Variants in TNNI3K observed in about 807,000 individuals in gnomAD.
TNNI3K encodes TNNI3 interacting kinase.
In TNNI3K, 140 loss-of-function variants were observed where a neutral mutation model predicts 114.5. The ratio of observed to expected loss-of-function variants is 1.22; its 90% confidence interval spans 1.07 to 1.41. TNNI3K has a LOEUF of 1.41. TNNI3K is among the 40% of genes most tolerant of loss of function. TNNI3K has a pLI of 0.00. For synonymous variants in TNNI3K, 347 were observed against 347.5 expected (o/e 1.00, Z 0.02); for missense variants, 1,125 against 1,007.6 (o/e 1.12, Z -1.58).
At chr1:74,355,590 G>A (rs990695231) in intron 11 of TNNI3K, among the ~76,000 whole-genome samples, 3 of 151,598 alleles carry the variant, frequency 2.0e-5, no homozygotes, top group South Asian at 4.1e-4. Context: ...GCAACAGGGC[G>A]ATACTCCGTC....
chr1:74,329,852 C>T (rs1435710445), intron 5 of TNNI3K, among the ~76,000 whole-genome samples: 1 of 152,020 alleles, frequency 6.6e-6, no homozygotes, highest in East Asian at 1.9e-4. Flanking sequence ...CTATGATTCA[C>T]ACAATTGACA....
intron 5 of TNNI3K, among the ~76,000 whole-genome samples, chr1:74,277,031 T>C (rs1251194736): frequency 1.3e-5 from 2 of 152,194 alleles, no homozygotes; most frequent in African/African-American, 2.4e-5. Flanking sequence ...CCTAAGATCC[T>C]GTCAGCAATC....
intron 11 of TNNI3K, among the ~76,000 whole-genome samples, chr1:74,367,023 G>A (rs1345195805): frequency 6.6e-6 from 1 of 151,886 alleles, no homozygotes; most frequent in Non-Finnish European, 1.5e-5. Flanking sequence ...TTTGTTCACT[G>A]CATCACCAGT....
chr1:74,436,339 A>G (rs1009127221), intron 18 of TNNI3K, 135 bp from the exon 19 acceptor site: 1 of 1,224,914 alleles, frequency 8.2e-7, no homozygotes, highest in Non-Finnish European at 1.1e-6. Context: ...CTTCTTTCTT[A>G]TCTCCAGCCA....
At chr1:74,419,506 C>T (rs190929262) in intron 17 of TNNI3K, among the ~76,000 whole-genome samples, 62 of 152,038 alleles carry the variant, frequency 4.1e-4, no homozygotes, top group African/African-American at 1.3e-3. Context: ...AGCCAATCAC[C>T]GATTTGTGCT....
intron 17 of TNNI3K, among the ~76,000 whole-genome samples, chr1:74,379,543 C>T (rs1663091453): frequency 6.6e-6 from 1 of 152,076 alleles, no homozygotes; most frequent in Admixed American, 6.6e-5. Context: ...CTGACATGCT[C>T]AGTTTCCATA....
intron 23 of TNNI3K, among the ~76,000 whole-genome samples, chr1:74,498,243 A>C (rs550662869): frequency 1.3e-5 from 2 of 152,264 alleles, no homozygotes; most frequent in Admixed American, 6.5e-5. Flanking sequence ...AGTTTTTTTA[A>C]CCTTGACATC....
At chr1:74,370,138 A>T in intron 16 of TNNI3K, 150 bp from the exon 17 acceptor site, 1 of 538,872 alleles carries the variant, frequency 1.9e-6, no homozygotes. Context: ...GATGTAGGAA[A>T]GCTATTCAGA....
At chr1:74,238,085 G>C (rs1045691743) in intron 2 of TNNI3K, among the ~76,000 whole-genome samples, 1 of 151,948 alleles carries the variant, frequency 6.6e-6, no homozygotes, top group Non-Finnish European at 1.5e-5. Flanking sequence ...AATCATTGTA[G>C]ATAAAAAGCA....
At chr1:74,382,172 T>C (rs1663235945) in intron 17 of TNNI3K, among the ~76,000 whole-genome samples, 1 of 152,216 alleles carries the variant, frequency 6.6e-6, no homozygotes, top group African/African-American at 2.4e-5. Flanking sequence ...TCACACCTTT[T>C]TGATTCCCAA....
intron 17 of TNNI3K, among the ~76,000 whole-genome samples, chr1:74,424,621 A>C (rs1665544320): frequency 6.6e-6 from 1 of 150,610 alleles, no homozygotes; most frequent in African/African-American, 2.4e-5. Context: ...TGAGAGGCTG[A>C]GGCAAGAGAA....
chr1:74,305,289 C>T (rs979759052), intron 5 of TNNI3K, among the ~76,000 whole-genome samples: 2 of 152,132 alleles, frequency 1.3e-5, no homozygotes, highest in Non-Finnish European at 2.9e-5. Context: ...AAGCCTACTT[C>T]AGGACTCATT....
chr1:74,442,394 T>C (rs1245281070), intron 20 of TNNI3K, among the ~76,000 whole-genome samples: 1 of 152,058 alleles, frequency 6.6e-6, no homozygotes, highest in Non-Finnish European at 1.5e-5. Context: ...GTAATGTGAA[T>C]CCTCCAACTT....
intron 6 of TNNI3K, among the ~76,000 whole-genome samples, chr1:74,332,974 A>G (rs72673271): frequency 0.43 from 13,377 of 31,338 alleles, 927 homozygotes; most frequent in South Asian, 0.52. Context: ...AAAAAAAAAA[A>G]AAAGAGAGAG....
intron 23 of TNNI3K, among the ~76,000 whole-genome samples, chr1:74,533,739 A>T (rs990226116): frequency 2.6e-5 from 4 of 151,398 alleles, no homozygotes; most frequent in Non-Finnish European, 5.9e-5. Flanking sequence ...GCCATAAAAA[A>T]TGATGAGTTC....
At chr1:74,363,526 G>T (rs1290683174) in intron 11 of TNNI3K, among the ~76,000 whole-genome samples, 2 of 152,036 alleles carry the variant, frequency 1.3e-5, no homozygotes, top group African/African-American at 2.4e-5. Flanking sequence ...AGCCAAGAGA[G>T]CTGTTGAAAT....
At chr1:74,407,084 A>G (rs147749425) in intron 17 of TNNI3K, among the ~76,000 whole-genome samples, 2 of 152,326 alleles carry the variant, frequency 1.3e-5, no homozygotes, top group Admixed American at 6.5e-5. Context: ...TAACATGTAT[A>G]TTTGAAGGCA....
At chr1:74,499,908 C>T (rs936463506) in intron 23 of TNNI3K, among the ~76,000 whole-genome samples, 4 of 152,024 alleles carry the variant, frequency 2.6e-5, no homozygotes, top group African/African-American at 9.7e-5. Context: ...CTGCTGAAAT[C>T]GTTTGGACTA....
At chr1:74,396,082 C>T (rs544498616) in intron 17 of TNNI3K, among the ~76,000 whole-genome samples, 2 of 152,212 alleles carry the variant, frequency 1.3e-5, no homozygotes, top group South Asian at 4.2e-4. Flanking sequence ...AGAAAAAGAG[C>T]GTAATAAATA....
Sources: allele counts gnomAD v4.1 joint callset (sites outside exome capture counted in the v4.1 genomes callset), GRCh38; gene constraint gnomAD v4.1.1; transcripts MANE v1.5; gene names NCBI Gene and HGNC (gene_info 2026-07-23, HGNC 2026-07-21).